ADAMTSL3: variants seen among roughly 807,000 people sequenced by gnomAD.
ADAMTSL3 encodes ADAMTS like 3.
ADAMTSL3 carries 128 observed loss-of-function variants against 201.7 expected under a neutral mutation model. The observed-to-expected ratio is 0.63, with a 90% CI of 0.55 to 0.73. ADAMTSL3 has a LOEUF of 0.73. Among genes scored for constraint, ADAMTSL3 ranks in the 30% least tolerant of loss-of-function variants. ADAMTSL3 has a pLI of 0.00. For synonymous variants in ADAMTSL3, 738 were observed against 748.4 expected, an observed-to-expected ratio of 0.99 and a Z score of 0.23; for missense variants, 1,990 against 2,119.6, an observed-to-expected ratio of 0.94 and a Z score of 1.20.
intron 6 of ADAMTSL3, among the ~76,000 whole-genome samples, chr15:83,837,063 CA>C (rs1388705915): frequency 6.6e-6 from 1 of 151,798 alleles, no homozygotes; most frequent in East Asian, 1.9e-4. Context: ...TATAATATAG[CA>C]AATACACACA....
intron 11 of ADAMTSL3, 82 bp from the exon 12 acceptor site, chr15:83,891,247 G>A: frequency 8.4e-7 from 1 of 1,196,000 alleles, no homozygotes; most frequent in Non-Finnish European, 1.2e-6. Flanking sequence ...TGTCTCTTGG[G>A]ATGTCAAATA....
chr15:83,856,407 G>A (rs2064734455), intron 7 of ADAMTSL3, among the ~76,000 whole-genome samples: 1 of 151,970 alleles, frequency 6.6e-6, no homozygotes, highest in African/African-American at 2.4e-5. Flanking sequence ...GAACTCCTGG[G>A]CTCAAGCCAT....
At chr15:83,777,738 T>G (rs1174629820) in intron 4 of ADAMTSL3, among the ~76,000 whole-genome samples, 1 of 152,160 alleles carries the variant, frequency 6.6e-6, no homozygotes, top group South Asian at 2.1e-4. Flanking sequence ...ATGACCACCT[T>G]GCCTCTCCAG....
intron 27 of ADAMTSL3, among the ~76,000 whole-genome samples, chr15:84,025,980 A>G (rs941426869): frequency 6.6e-6 from 1 of 152,236 alleles, no homozygotes; most frequent in Non-Finnish European, 1.5e-5. Flanking sequence ...ACGTAATACA[A>G]TTCCTATTAA....
intron 6 of ADAMTSL3, among the ~76,000 whole-genome samples, chr15:83,828,698 C>T (rs2064081840): frequency 6.6e-6 from 1 of 152,098 alleles, no homozygotes; most frequent in South Asian, 2.1e-4. Context: ...TGAAATACAT[C>T]CCATCAATAC....
chr15:83,764,853 G>A (rs1190511334), intron 3 of ADAMTSL3, among the ~76,000 whole-genome samples: 2 of 152,158 alleles, frequency 1.3e-5, no homozygotes, highest in Non-Finnish European at 2.9e-5. Context: ...TCAGCATATG[G>A]GATATGTGGT....
intron 3 of ADAMTSL3, among the ~76,000 whole-genome samples, chr15:83,753,547 C>A (rs1194506837): frequency 6.6e-6 from 1 of 152,136 alleles, no homozygotes; most frequent in East Asian, 1.9e-4. Context: ...GTCGTTGGCA[C>A]AACCCTGTGT....
At chr15:83,899,267 A>G (rs1248394318) in intron 14 of ADAMTSL3, among the ~76,000 whole-genome samples, 1 of 152,150 alleles carries the variant, frequency 6.6e-6, no homozygotes, top group Non-Finnish European at 1.5e-5. Flanking sequence ...TTCTCTATTA[A>G]TGTTTGCATT....
intron 4 of ADAMTSL3, among the ~76,000 whole-genome samples, chr15:83,799,384 G>C (rs1365507127): frequency 1.3e-5 from 2 of 152,096 alleles, no homozygotes; most frequent in Non-Finnish European, 2.9e-5. Flanking sequence ...TAAATAGTCA[G>C]TTCTTTTGCA....
intron 23 of ADAMTSL3, among the ~76,000 whole-genome samples, chr15:84,011,891 T>C (rs2068012681): frequency 6.6e-6 from 1 of 152,200 alleles, no homozygotes; most frequent in Non-Finnish European, 1.5e-5. Flanking sequence ...TATTAAGAGA[T>C]GTATAACATC....
At position 83,685,834 on chromosome 15, in the gene ADAMTSL3, A is replaced by C. The variant is rs79366123; in HGVS notation, c.70-18555A>C. 7.0e-3 allele frequency among the ~76,000 whole-genome samples: 1,073 copies of C among 152,328 alleles called. 9 individuals are homozygous for C. Among genetic ancestry groups the C allele is most frequent in the Non-Finnish European group, 0.012 (841 of 68,036 alleles). The stretch of plus-strand genomic sequence containing the variant: ...ATCTAGTAGATGCCTGGCATGTCAT[A>C]GTCATTTAATAAGGTAGCTGTTTCT... On this transcript the variant is annotated intron_variant, in intron 2 of 29. Coordinates refer to ENST00000286744, the MANE Select transcript of ADAMTSL3 (RefSeq NM_207517.3).
At chr15:83,908,384 A>G (rs992230717) in intron 15 of ADAMTSL3, among the ~76,000 whole-genome samples, 4 of 152,248 alleles carry the variant, frequency 2.6e-5, no homozygotes, top group Admixed American at 2.6e-4. Context: ...ATAAGAATGC[A>G]ATGAATGTCT....
At chr15:83,758,703 TTCTTTGGATAAATATCTATTCATG>T (rs2062760363) in intron 3 of ADAMTSL3, among the ~76,000 whole-genome samples, 1 of 152,238 alleles carries the variant, frequency 6.6e-6, no homozygotes, top group East Asian at 1.9e-4. Context: ...TTTATATATC[TTCTTTGGATAAATATCTATTCATG>T]TCTTTTGCCC....
chr15:83,683,115 A>G (rs984960509), intron 2 of ADAMTSL3, among the ~76,000 whole-genome samples: 9 of 152,240 alleles, frequency 5.9e-5, no homozygotes, highest in African/African-American at 1.9e-4. Flanking sequence ...TTGAGCCAAG[A>G]TGAAACCAGC....
chr15:83,678,312 C>G lies in ADAMTSL3; in HGVS notation c.69+22482C>G, dbSNP rs1487054228. Among the ~76,000 whole-genome samples, 4 of 152,094 alleles carry G rather than the reference C, an allele frequency of 2.6e-5. No homozygotes were observed. In the East Asian group the frequency reaches 5.8e-4, roughly 22 times the overall value. ...TCTTTTTGGAACACTTCTTTTATCT[C>G]TTCTTTAATGGTAGGCCTTCTGGTG... On this transcript the variant is annotated intron_variant, in intron 2 of 29. Transcript: ENST00000286744.
At chr15:83,976,170 T>A (rs2067283924) in intron 20 of ADAMTSL3, among the ~76,000 whole-genome samples, 1 of 151,996 alleles carries the variant, frequency 6.6e-6, no homozygotes, top group South Asian at 2.1e-4. Flanking sequence ...TGGGGAGAGG[T>A]AGCTATCATT....
chr15:83,697,356 T>A (rs956568570), intron 2 of ADAMTSL3, among the ~76,000 whole-genome samples: 27 of 152,154 alleles, frequency 1.8e-4, no homozygotes, highest in Non-Finnish European at 1.3e-4. Flanking sequence ...GTATCCTCTA[T>A]TTCAATTCAA....
chr15:83,812,111 A>T (rs752736487), intron 5 of ADAMTSL3, among the ~76,000 whole-genome samples: 20 of 152,228 alleles, frequency 1.3e-4, no homozygotes, highest in Admixed American at 4.6e-4. Context: ...ATGAACTTGG[A>T]GTATGAATAT....
chr15:84,004,750 T>C (rs1168383062), intron 23 of ADAMTSL3, among the ~76,000 whole-genome samples: 2 of 152,174 alleles, frequency 1.3e-5, no homozygotes, highest in Non-Finnish European at 2.9e-5. Context: ...CAGCTGTCAA[T>C]GTCCAAGAGG....
Sources: gnomAD v4.1 joint callset for allele counts (sites outside exome capture counted in the v4.1 genomes callset) on GRCh38, gnomAD v4.1.1 for gene constraint, MANE v1.5 for transcripts, NCBI Gene and HGNC (gene_info 2026-07-23, HGNC 2026-07-21) for gene names.